Variants in CYYR1 observed in about 807,000 individuals in gnomAD.
CYYR1 encodes cysteine and tyrosine rich 1, also known as cysteine and tyrosine-rich protein 1.
Under a neutral mutation model 15.2 loss-of-function variants are expected in CYYR1, and 14 were observed. The ratio of observed to expected loss-of-function variants is 0.92; its 90% CI spans 0.61 to 1.44. The LOEUF is 1.44. Among genes scored for constraint, CYYR1 ranks in the 40% most tolerant of loss-of-function variants. CYYR1 has a pLI of 0.00. For missense variants in CYYR1, 228 were observed against 209.5 expected, an observed-to-expected ratio of 1.09 and a Z score of -0.54; for synonymous variants, 80 against 77.4, an observed-to-expected ratio of 1.03 and a Z score of -0.18.
At chr21:26,504,022 C>T (rs1009172141) in intron 2 of CYYR1, among the ~76,000 whole-genome samples, 10 of 151,980 alleles carry the variant, frequency 6.6e-5, no homozygotes, top group African/African-American at 9.7e-5. Flanking sequence ...CAATAAATGG[C>T]ATAAGGATAC....
intron 2 of CYYR1, among the ~76,000 whole-genome samples, chr21:26,547,545 C>T (rs222955): frequency 0.64 from 97,069 of 151,992 alleles, 31,129 homozygotes; most frequent in East Asian, 0.75. Context: ...CTCCCTTTAC[C>T]CTGAAGATAA....
At chr21:26,547,378 T>C (rs921744189) in intron 2 of CYYR1, among the ~76,000 whole-genome samples, 1 of 152,190 alleles carries the variant, frequency 6.6e-6, no homozygotes, top group African/African-American at 2.4e-5. Flanking sequence ...GAACAAAGAC[T>C]GAAGTCTGTC....
At chr21:26,566,875 G>T (rs1304959901) in intron 1 of CYYR1, among the ~76,000 whole-genome samples, 1 of 151,968 alleles carries the variant, frequency 6.6e-6, no homozygotes. Context: ...TGGGTGTCGT[G>T]GTGCACACCT....
At chr21:26,513,463 CA>C (rs530643662) in intron 2 of CYYR1, among the ~76,000 whole-genome samples, 75 of 152,044 alleles carry the variant, frequency 4.9e-4, no homozygotes, top group Non-Finnish European at 8.5e-4. Context: ...AGTGGTGTGG[CA>C]AAAGATCCAA....
chr21:26,496,699 C>G (rs2065409428), intron 2 of CYYR1, among the ~76,000 whole-genome samples: 1 of 152,120 alleles, frequency 6.6e-6, no homozygotes, highest in East Asian at 1.9e-4. Flanking sequence ...CAGTGCATCC[C>G]AAATGGGGAG....
At chr21:26,551,237 C>T (rs1979364628) in intron 2 of CYYR1, 1 of 152,620 alleles carries the variant, frequency 6.6e-6, no homozygotes, top group Non-Finnish European at 1.5e-5. Flanking sequence ...GACAATGGAC[C>T]TGGTCACCCA....
intron 2 of CYYR1, among the ~76,000 whole-genome samples, chr21:26,526,846 G>C (rs1827837): frequency 0.37 from 55,891 of 152,010 alleles, 11,279 homozygotes; most frequent in East Asian, 0.68. Flanking sequence ...TGTTACTTCA[G>C]GGTTTTAGGT....
In CYYR1 at chr21:26,566,353, T is replaced by A. The variant is rs1240741582; in HGVS notation, c.89A>T (p.Gln30Leu). Residue 30 changes from glutamine to leucine, a missense_variant, in exon 2 of 4, where the codon CAG becomes CTG. Transcript: ENST00000652641. ...LFVYADDCLA[Q>L]CGKDCKSYCC... ...GTAAGATTTGCAATCTTTGCCACACTGAGCAAGGCAATCATCTACAAAACA... is the reference window on the plus strand; with the variant it reads ...GTAAGATTTGCAATCTTTGCCACACAGAGCAAGGCAATCATCTACAAAACA... The A allele has an allele frequency of 6.2e-7, 1 of 1,613,410 alleles. No individual in the cohort carries two copies. The highest frequency in any genetic ancestry group is 8.5e-7 in the Non-Finnish European group (1 of 1,179,516).
intron 2 of CYYR1, among the ~76,000 whole-genome samples, chr21:26,509,704 T>C (rs970072275): frequency 6.6e-6 from 1 of 152,232 alleles, no homozygotes; most frequent in Non-Finnish European, 1.5e-5. Flanking sequence ...TTTCATCCTA[T>C]AGCTCCACCA....
intron 2 of CYYR1, among the ~76,000 whole-genome samples, chr21:26,489,898 T>C (rs1284302815): frequency 6.6e-6 from 1 of 152,126 alleles, no homozygotes; most frequent in East Asian, 1.9e-4. Flanking sequence ...AGAAACAAAC[T>C]CGTTTTTGAA....
At chr21:26,535,708 G>T (rs966328412) in intron 2 of CYYR1, among the ~76,000 whole-genome samples, 64 of 152,230 alleles carry the variant, frequency 4.2e-4, no homozygotes, top group African/African-American at 1.5e-3. Context: ...CCATACCTGT[G>T]CTGCCACAGT....
intron 1 of CYYR1, among the ~76,000 whole-genome samples, chr21:26,572,330 AAAC>A (rs1266499155): frequency 1.3e-5 from 2 of 152,206 alleles, no homozygotes; most frequent in Non-Finnish European, 2.9e-5. Context: ...CTTCTCTTAT[AAAC>A]AAGTGTCTAT....
rs2065728755 is a variant in CYYR1, at chr21:26,516,497, T to G, written c.177-36068A>C. Among the ~76,000 whole-genome samples, 13 of 152,314 alleles carry G rather than the reference T, an allele frequency of 8.5e-5. No individual in the cohort carries two copies. In the South Asian group the frequency reaches 2.7e-3, roughly 32 times the overall value. ...TCTGAAAGTTGCACTCTAAAAATATTGATTGCAGAATATCAAGCTGAACGA... is the reference window on the plus strand; with the variant it reads ...TCTGAAAGTTGCACTCTAAAAATATGGATTGCAGAATATCAAGCTGAACGA... On this transcript the variant is annotated intron_variant, in intron 2 of 3. Coordinates refer to ENST00000652641, the MANE Select transcript of CYYR1 (RefSeq NM_001320768.2).
intron 3 of CYYR1, 39 bp from the exon 4 acceptor site, chr21:26,468,673 A>G: frequency 6.8e-7 from 1 of 1,471,640 alleles, no homozygotes; most frequent in Middle Eastern, 2.1e-4. Context: ...GGAGTTAGCA[A>G]ATATTTGCAT....
intron 2 of CYYR1, chr21:26,482,289 T>C: frequency 1.0e-6 from 1 of 976,798 alleles, no homozygotes; most frequent in Non-Finnish European, 1.2e-6. Context: ...ACAATTTCCA[T>C]GAATTTTTAT....
intron 2 of CYYR1, among the ~76,000 whole-genome samples, chr21:26,486,548 G>A (rs563274804): frequency 6.9e-4 from 105 of 152,068 alleles, no homozygotes; most frequent in African/African-American, 2.3e-3. Context: ...TCCCCCCATC[G>A]CATTGCTTTT....
chr21:26,548,478 T>G (rs1979140784), intron 2 of CYYR1, among the ~76,000 whole-genome samples: 1 of 152,224 alleles, frequency 6.6e-6, no homozygotes, highest in Non-Finnish European at 1.5e-5. Context: ...TCCTGAGTAG[T>G]TGAGATTACA....
chr21:26,533,299 A>G (rs2065955650), intron 2 of CYYR1, among the ~76,000 whole-genome samples: 1 of 151,500 alleles, frequency 6.6e-6, no homozygotes, highest in Non-Finnish European at 1.5e-5. Context: ...TTACGGAATT[A>G]TGAGGACTGA....
At position 26,564,793 on chromosome 21, in the gene CYYR1, T is replaced by C. The variant is rs1243328061; in HGVS notation, c.176+1473A>G. Reference sequence around the variant, plus strand: ...TCAGTTTGACTTCACATTCTCCAAGTTATACTCGCACCTCTACCTGGGACA... The same window carrying C: ...TCAGTTTGACTTCACATTCTCCAAGCTATACTCGCACCTCTACCTGGGACA... On this transcript the variant is annotated intron_variant, in intron 2 of 3. Transcript: ENST00000652641. The C allele has an allele frequency of 8.8e-6, 11 of 1,249,490 alleles. No homozygotes were observed. The East Asian group carries it at 6.3e-4, about 71-fold the overall frequency. The allele number at this position is 1,249,490 out of a possible 1,614,324, so 77.4% of individuals were successfully genotyped here. A position where few individuals can be genotyped will look rare whatever the true frequency, so the allele number is the denominator to read the frequency against.
Sources: gnomAD v4.1 joint callset for allele counts (sites outside exome capture counted in the v4.1 genomes callset) on GRCh38, gnomAD v4.1.1 for gene constraint, MANE v1.5 for transcripts, NCBI Gene and HGNC (gene_info 2026-07-23, HGNC 2026-07-21) for gene names.